The following CSDE1 variants were observed in gnomAD, a reference collection of about 807,000 sequenced individuals.
CSDE1 encodes cold shock domain containing E1, also known as cold shock domain-containing protein E1.
Under a neutral mutation model 89.3 loss-of-function variants are expected in CSDE1, and 17 were observed. The observed-to-expected ratio is 0.19, with a 90% CI of 0.13 to 0.29. CSDE1 has a LOEUF of 0.29. Among genes scored for constraint, CSDE1 ranks in the 10% least tolerant of loss-of-function variants. The pLI, the probability that CSDE1 is intolerant of heterozygous loss-of-function variation, is 1.00. For synonymous variants in CSDE1, 322 were observed against 332.8 expected (o/e 0.97, Z 0.35); for missense variants, 672 against 984.2 (o/e 0.68, Z 4.24).
chr1:114,725,413 C>T, intron 14 of CSDE1, 80 bp from the exon 15 acceptor site: 1 of 1,059,212 alleles, frequency 9.4e-7, no homozygotes, highest in Non-Finnish European at 1.5e-6. Flanking sequence ...TTTACAGTAA[C>T]AGTCATGGCA....
At chr1:114,738,108 A>G in intron 3 of CSDE1, 36 bp from the exon 4 acceptor site, 1 of 1,523,654 alleles carries the variant, frequency 6.6e-7, no homozygotes, top group Non-Finnish European at 9.1e-7. Context: ...TGTTGAACTG[A>G]TTTTTGCGAA....
chr1:114,734,335 T>A, intron 7 of CSDE1, 107 bp downstream of exon 7: 1 of 1,145,640 alleles, frequency 8.7e-7, no homozygotes, highest in Admixed American at 2.6e-5. Flanking sequence ...AGTGAAATAT[T>A]TTAAAAGGGT....
chr1:114,726,086 A>C, intron 14 of CSDE1, 125 bp downstream of exon 14: 1 of 1,001,160 alleles, frequency 1.0e-6, no homozygotes, highest in Non-Finnish European at 1.4e-6. Flanking sequence ...ATATCTTGCC[A>C]TAATTCTACC....
chr1:114,720,372 G>A (rs1301553923), intron 17 of CSDE1, 167 bp downstream of exon 17: 1 of 606,454 alleles, frequency 1.6e-6, no homozygotes, highest in Non-Finnish European at 2.8e-6. Flanking sequence ...CACTTTTTGT[G>A]TAGTTTTCTG....
At chr1:114,719,309 C>G (rs1423692442) in intron 18 of CSDE1, among the ~76,000 whole-genome samples, 1 of 152,096 alleles carries the variant, frequency 6.6e-6, no homozygotes, top group Non-Finnish European at 1.5e-5. Context: ...TCTGGGGAAG[C>G]AAAGCGGCAT....
chr1:114,749,922 A>T lies in CSDE1; in HGVS notation c.-102T>A, dbSNP rs780440088. On this transcript the variant is annotated 5_prime_UTR_variant, in exon 2 of 20. Coordinates refer to ENST00000358528, the MANE Select transcript of CSDE1 (RefSeq NM_001007553.3). ...GAAAGTTGCTAGTATTAAAAAAAAG[A>T]GCGAGAGAAAATGATCTACCAAGCT... 6.6e-6 allele frequency: 1 copy of T among 152,610 alleles called. No individual in the cohort carries two copies. Among genetic ancestry groups the T allele is most frequent in the Non-Finnish European group, 1.5e-5 (1 of 68,032 alleles). The allele number at this position is 152,610 out of a possible 1,614,324, so 9.5% of individuals were successfully genotyped here.
At chr1:114,746,273 C>T (rs1661006103) in intron 2 of CSDE1, among the ~76,000 whole-genome samples, 1 of 152,144 alleles carries the variant, frequency 6.6e-6, no homozygotes. Flanking sequence ...ATATAAAGTA[C>T]TGAGTGATTA....
At chr1:114,718,338 T>A (rs1659315106) in intron 19 of CSDE1, 122 bp from the exon 20 acceptor site, 5 of 1,194,426 alleles carry the variant, frequency 4.2e-6, no homozygotes, top group Non-Finnish European at 5.9e-6. Flanking sequence ...TATGCAGTAC[T>A]AATTCTTTCC....
At chr1:114,746,458 T>C (rs1420293988) in intron 2 of CSDE1, 1 of 152,162 alleles carries the variant, frequency 6.6e-6, no homozygotes, top group Non-Finnish European at 1.5e-5. Flanking sequence ...TGCCTTCTGT[T>C]GGTTAATCTA....
Position 114,718,200 on chromosome 1 carries a change from C to G in CSDE1, c.2366G>C (p.Arg789Thr). 6.2e-7 allele frequency: 1 copy of G among 1,613,912 alleles called. No homozygotes were observed. The highest frequency in any genetic ancestry group is 8.5e-7 in the Non-Finnish European group (1 of 1,179,994). The change falls in exon 20 of 20, where the codon AGA becomes ACA. Residue 789 changes from arginine to threonine, a missense_variant. By Grantham distance (71) the Arg-to-Thr change is moderately conservative (BLOSUM62 -1). Coordinates refer to ENST00000358528, the MANE Select transcript of CSDE1 (RefSeq NM_001007553.3). ...PDNSMGFGAE[R>T]KIRQAGVID ...AATGACACCAGCTTGACGGATCTTT[C>G]TTTCTGCACCAAACCCCTGTGGGGG...
chr1:114,722,046 TAATTTTTG>T (rs1310667478), intron 16 of CSDE1, among the ~76,000 whole-genome samples: 21 of 152,076 alleles, frequency 1.4e-4, no homozygotes, highest in African/African-American at 5.1e-4. Context: ...GATACCTGGC[TAATTTTTG>T]TATTTTTAGG....
At position 114,732,610 on chromosome 1, in the gene CSDE1, T is replaced by G; in HGVS notation, c.1044A>C (p.Arg348=). 6.2e-7 allele frequency: 1 copy of G among 1,613,888 alleles called. No individual in the cohort carries two copies. The highest frequency in any genetic ancestry group is 8.5e-7 in the Non-Finnish European group (1 of 1,179,750). The stretch of plus-strand genomic sequence containing the variant: ...AGTAATATCCAACACTTACCATTTC[T>G]CGGGCTTCATTAGTGAACTGAAATG... ...SNTFQFTNEA[R]EMGVIAAMRD... The change falls in exon 10 of 20, where the codon CGA becomes CGC. Residue 348 remains arginine (R), a synonymous_variant. Coordinates refer to ENST00000358528, the MANE Select transcript of CSDE1 (RefSeq NM_001007553.3).
chr1:114,718,582 G>C (rs1557986498), intron 19 of CSDE1, 31 bp downstream of exon 19: 6 of 1,602,570 alleles, frequency 3.7e-6, no homozygotes, highest in Non-Finnish European at 3.4e-6. Context: ...TCTATCAGTT[G>C]GCCTCCCCCA....
Position 114,726,967 on chromosome 1 carries a change from A to G in CSDE1, c.1464+16T>C. 7 of 1,540,904 alleles carry G rather than the reference A, an allele frequency of 4.5e-6. No homozygotes were observed. Among genetic ancestry groups the G allele is most frequent in the Admixed American group, 1.7e-5 (1 of 59,796 alleles). ...ACAACTCTTAACCCTCTCTCGAATG[A>G]GCAGAATTATCTTGCCTTATCTCCT... On this transcript the variant is annotated intron_variant, in intron 13 of 19. Transcript: ENST00000358528.
At chr1:114,734,682 T>C (rs1040160339) in intron 6 of CSDE1, among the ~76,000 whole-genome samples, 159 bp from the exon 7 acceptor site, 4 of 152,212 alleles carry the variant, frequency 2.6e-5, no homozygotes, top group African/African-American at 9.6e-5. Context: ...ATTATTTTCA[T>C]ATGGCTTTAT....
chr1:114,730,913 C>A (rs796315378), intron 10 of CSDE1, among the ~76,000 whole-genome samples: 4 of 152,280 alleles, frequency 2.6e-5, no homozygotes, highest in African/African-American at 9.6e-5. Flanking sequence ...AACGTAAACA[C>A]GTGAACACAA....
chr1:114,729,334 C>T (rs1488420607), intron 12 of CSDE1, among the ~76,000 whole-genome samples: 3 of 151,762 alleles, frequency 2.0e-5, no homozygotes, highest in Admixed American at 6.6e-5. Context: ...CTCCTGACCT[C>T]GTGATCCGCC....
intron 5 of CSDE1, 129 bp downstream of exon 5, chr1:114,737,342 C>T (rs1019574617): frequency 1.4e-6 from 1 of 731,222 alleles, no homozygotes; most frequent in Non-Finnish European, 2.3e-6. Context: ...GCATTTGAAG[C>T]CTCTTAGAAA....
chr1:114,739,970 A>C, intron 2 of CSDE1, 80 bp from the exon 3 acceptor site: 1 of 1,221,820 alleles, frequency 8.2e-7, no homozygotes, highest in Non-Finnish European at 1.2e-6. Flanking sequence ...TAAGTCACTA[A>C]ATCTTCCATA....
Sources: allele counts gnomAD v4.1 joint callset (sites outside exome capture counted in the v4.1 genomes callset), GRCh38; gene constraint gnomAD v4.1.1; transcripts MANE v1.5; gene names NCBI Gene and HGNC (gene_info 2026-07-23, HGNC 2026-07-21).